The following ATOSA variants were observed in gnomAD, a reference collection of about 807,000 sequenced individuals.
ATOSA encodes the protein atos homolog A, also known as atos homolog protein A.
At chr15:52,616,373 G>A in the ATOSA span, among the ~76,000 whole-genome samples, 1 of 152,216 alleles carries the variant, frequency 6.6e-6, no homozygotes, top group Non-Finnish European at 1.5e-5. Flanking sequence ...ACTTTAGGAA[G>A]ATCACATAGA....
At chr15:52,707,640 T>G in the ATOSA span, among the ~76,000 whole-genome samples, 1 of 152,092 alleles carries the variant, frequency 6.6e-6, no homozygotes, top group African/African-American at 2.4e-5. Flanking sequence ...ATAAAAATAA[T>G]AGATCAATAT....
the ATOSA span, chr15:52,656,232 C>G: frequency 6.6e-6 from 1 of 151,970 alleles, no homozygotes; most frequent in South Asian, 2.1e-4. Context: ...ACATTATTAA[C>G]AGTTGTGGAA....
the ATOSA span, among the ~76,000 whole-genome samples, chr15:52,631,784 T>C: frequency 6.6e-6 from 1 of 152,198 alleles, no homozygotes; most frequent in Non-Finnish European, 1.5e-5. Flanking sequence ...TGGTTCAAAG[T>C]GTGTTTTGAA....
chr15:52,672,280 T>C, the ATOSA span, among the ~76,000 whole-genome samples: 1 of 151,430 alleles, frequency 6.6e-6, no homozygotes, highest in African/African-American at 2.4e-5. Context: ...TCCCAGGAGT[T>C]GGAGGCTACA....
the ATOSA span, among the ~76,000 whole-genome samples, chr15:52,641,492 G>C: frequency 6.6e-6 from 1 of 152,198 alleles, no homozygotes; most frequent in Non-Finnish European, 1.5e-5. Flanking sequence ...TTCTAAAAAA[G>C]GGGGTGATGG....
chr15:52,615,670 TTCAGGAAGGCTTA>T, the ATOSA span, among the ~76,000 whole-genome samples: 1 of 152,172 alleles, frequency 6.6e-6, no homozygotes, highest in Non-Finnish European at 1.5e-5. Context: ...CTTTTCCAGC[TTCAGGAAGGCTTA>T]TCAGGAAAGG....
At chr15:52,652,938 T>G in the ATOSA span, among the ~76,000 whole-genome samples, 1 of 152,168 alleles carries the variant, frequency 6.6e-6, no homozygotes, top group Non-Finnish European at 1.5e-5. Context: ...GGAGAATCAA[T>G]GAAGGTAGTA....
the ATOSA span, chr15:52,593,743 G>T: frequency 6.6e-7 from 1 of 1,517,666 alleles, no homozygotes. Context: ...ATTCCTGGAA[G>T]ACAAAATAAT....
the ATOSA span, among the ~76,000 whole-genome samples, chr15:52,697,957 A>ATTTTTTTTTTTTTTTTTTTTTTTTTTTTT: frequency 6.7e-5 from 3 of 44,736 alleles, no homozygotes; most frequent in African/African-American, 8.5e-5. Flanking sequence ...GGGATGTAGA[A>ATTTTTTTTTTTTTTTTTTTTTTTTTTTTT]TTTTTTTTTT....
At chr15:52,591,707 G>T in the ATOSA span, among the ~76,000 whole-genome samples, 13,683 of 152,142 alleles carry the variant, frequency 0.09, 950 homozygotes, top group East Asian at 0.34. Context: ...ATTTATTCTG[G>T]TATTAAACTT....
At chr15:52,697,151 AC>A in the ATOSA span, among the ~76,000 whole-genome samples, 1 of 152,110 alleles carries the variant, frequency 6.6e-6, no homozygotes, top group Non-Finnish European at 1.5e-5. Context: ...TGTTCTGACC[AC>A]CACAGACCCC....
the ATOSA span, among the ~76,000 whole-genome samples, chr15:52,688,217 T>C: frequency 1.7e-3 from 265 of 152,352 alleles, no homozygotes; most frequent in African/African-American, 6.1e-3. Context: ...TTCTTGTAGA[T>C]GACAGAAAAT....
At chr15:52,665,266 T>A in the ATOSA span, among the ~76,000 whole-genome samples, 2 of 152,104 alleles carry the variant, frequency 1.3e-5, no homozygotes, top group Non-Finnish European at 2.9e-5. Flanking sequence ...AAAATAAAAG[T>A]TGAAATTACG....
the ATOSA span, among the ~76,000 whole-genome samples, chr15:52,630,753 A>G: frequency 6.6e-6 from 1 of 152,198 alleles, no homozygotes; most frequent in Non-Finnish European, 1.5e-5. Flanking sequence ...AGCACTGTCT[A>G]TAACAACAAA....
At chr15:52,657,843 C>T in the ATOSA span, 28 of 152,012 alleles carry the variant, frequency 1.8e-4, no homozygotes, top group Admixed American at 1.8e-3. Context: ...AGAGTTGAGA[C>T]TATAATTTTC....
the ATOSA span, chr15:52,652,183 T>G: frequency 1.3e-6 from 1 of 771,788 alleles, no homozygotes; most frequent in Non-Finnish European, 1.8e-6. Context: ...TCATGTTTTC[T>G]TTGCTCGTCT....
chr15:52,605,124 A>C, the ATOSA span: 1 of 1,584,970 alleles, frequency 6.3e-7, no homozygotes, highest in African/African-American at 1.4e-5. Context: ...TAAGAAAAAA[A>C]ATGCTTACAG....
chr15:52,644,645 T>C, the ATOSA span, among the ~76,000 whole-genome samples: 1 of 152,234 alleles, frequency 6.6e-6, no homozygotes, highest in Non-Finnish European at 1.5e-5. Flanking sequence ...CCTTCCCAGA[T>C]AACTATTACT....
chr15:52,590,408 C>G, the ATOSA span, among the ~76,000 whole-genome samples: 1 of 152,072 alleles, frequency 6.6e-6, no homozygotes, highest in Non-Finnish European at 1.5e-5. Flanking sequence ...GACTCCCAAC[C>G]GGAGAATAAT....
Sources: allele counts gnomAD v4.1 joint callset (sites outside exome capture counted in the v4.1 genomes callset), GRCh38; gene constraint gnomAD v4.1.1; transcripts MANE v1.5; gene names NCBI Gene and HGNC (gene_info 2026-07-23, HGNC 2026-07-21).